Variants in ADAMTS13 observed in about 807,000 individuals in gnomAD.
The protein encoded by ADAMTS13 is ADAM metallopeptidase with thrombospondin type 1 motif 13.
Under a neutral mutation model 155.1 loss-of-function variants are expected in ADAMTS13, and 110 were observed. That is an observed-to-expected ratio of 0.71 (90% CI 0.61 to 0.83). The LOEUF (loss-of-function observed/expected upper bound fraction) is 0.83. Among genes scored for constraint, ADAMTS13 ranks in the 40% least tolerant of loss-of-function variants. The pLI, the probability that ADAMTS13 is intolerant of heterozygous loss-of-function variation, is 0.00. For missense variants in ADAMTS13, 1,707 were observed against 1,891.7 expected (o/e 0.90, Z 1.81); for synonymous variants, 758 against 756.4 (o/e 1.00, Z -0.03).
chr9:133,448,533 A>C (rs1277359491), intron 21 of ADAMTS13, 66 bp from the exon 22 acceptor site: 15 of 1,599,062 alleles, frequency 9.4e-6, no homozygotes, highest in Non-Finnish European at 1.2e-5. Context: ...GTGTCCAGTG[A>C]GCCTGGGCTG....
chr9:133,421,145 A>T (rs945764042), upstream of ADAMTS13, among the ~76,000 whole-genome samples: 7 of 152,240 alleles, frequency 4.6e-5, no homozygotes, highest in African/African-American at 1.7e-4. Context: ...GGGTGCCTGT[A>T]ATCCCAGCCA....
In ADAMTS13 at chr9:133,440,717, C is replaced by T. The variant is rs782000121; in HGVS notation, c.1968+192C>T. Among the ~76,000 whole-genome samples the T allele has an allele frequency of 1.1e-4, 16 of 152,144 alleles. No homozygotes were observed. Among genetic ancestry groups the T allele is most frequent in the Non-Finnish European group, 1.9e-4 (13 of 68,022 alleles). On this transcript the variant is annotated intron_variant, in intron 16 of 28. Coordinates refer to ENST00000355699, the MANE Select transcript of ADAMTS13 (RefSeq NM_139027.6). The surrounding 1 kb of genome is among the most constrained non-coding windows in gnomAD (Gnocchi z 4.3). Reference sequence around the variant, plus strand: ...TAGCTCCTCCAGGGGCTTAGGGTCCCACAAATATCCAAATGTGCCTGTGCC... The same window carrying T: ...TAGCTCCTCCAGGGGCTTAGGGTCCTACAAATATCCAAATGTGCCTGTGCC...
Position 133,443,375 on chromosome 9 carries a change from G to A in ADAMTS13, c.2235-1G>A. On this transcript the variant is annotated splice_acceptor_variant, in intron 18 of 28. Coordinates refer to ENST00000355699, the MANE Select transcript of ADAMTS13 (RefSeq NM_139027.6). LOFTEE classifies it high-confidence loss of function. ...TCCCGACGCTCTGTCTCCTTCCTCA[G>A]CTGGGCGGTGGGAGACTTCGGCCCA... 2 of 1,595,180 alleles carry A rather than the reference G, an allele frequency of 1.3e-6. No homozygotes were observed. Among genetic ancestry groups the A allele is most frequent in the African/African-American group, 1.3e-5 (1 of 74,950 alleles).
rs1842641684 is a variant in ADAMTS13 at position 133,454,764 on chromosome 9, C to T, written c.3249+145C>T. 3.7e-6 allele frequency: 4 copies of T among 1,072,216 alleles called. No individual in the cohort carries two copies. In the South Asian group the frequency reaches 4.5e-5, roughly 12 times the overall value. 66.4% of individuals were successfully genotyped at this position (1,072,216 alleles called of 1,614,324 possible). A position where few individuals can be genotyped will look rare whatever the true frequency, so the allele number is the denominator to read the frequency against. On this transcript the variant is annotated intron_variant, in intron 24 of 28. Coordinates refer to ENST00000355699, the MANE Select transcript of ADAMTS13 (RefSeq NM_139027.6). The stretch of plus-strand genomic sequence containing the variant: ...AGCTGCGCCCGTTGGTGAGGGGGCA[C>T]CTAGAGGCAGAGAGACAGAGGGCCT...
intron 8 of ADAMTS13, among the ~76,000 whole-genome samples, chr9:133,431,730 C>T (rs587697561): frequency 8.5e-4 from 130 of 152,310 alleles, no homozygotes; most frequent in African/African-American, 3.0e-3. Flanking sequence ...TCTTGGCTCA[C>T]TGCAAGCTCT....
upstream of ADAMTS13, chr9:133,422,228 A>G (rs934675939): frequency 8.5e-5 from 52 of 608,664 alleles, no homozygotes; most frequent in Middle Eastern, 4.3e-4. Flanking sequence ...CTGAACTGCA[A>G]CCATCTTAGA....
chr9:133,417,530 GGTCTTTTGGGGCTACCCAA>G, upstream of ADAMTS13: 2 of 1,350,662 alleles, frequency 1.5e-6, no homozygotes, highest in South Asian at 2.4e-5. Context: ...TGCCTTTACA[GGTCTTTTGGGGCTACCCAA>G]GTCTTTCCCT....
intron 6 of ADAMTS13, 50 bp from the exon 7 acceptor site, chr9:133,428,584 G>A: frequency 3.2e-5 from 1 of 31,298 alleles, no homozygotes; most frequent in Non-Finnish European, 4.7e-5. Context: ...CCCCACCCCC[G>A]CCCCCGCCCC....
In ADAMTS13 at chr9:133,445,128, G is replaced by A; in HGVS notation, c.2610+76G>A. On this transcript the variant is annotated intron_variant, in intron 20 of 28. Transcript: ENST00000355699. The surrounding 1 kb of genome is among the most constrained non-coding windows in gnomAD (Gnocchi z 5.0). ...GCTGGGAGAACGAGGAGCACCCATT[G>A]CCACCGTCCTCCAGGCCAGAGCAAG... The A allele has an allele frequency of 1.3e-6, 2 of 1,494,178 alleles. No individual in the cohort carries two copies. Among genetic ancestry groups the A allele is most frequent in the Non-Finnish European group, 1.8e-6 (2 of 1,101,572 alleles). The allele number at this position is 1,494,178 out of a possible 1,614,324, so 92.6% of individuals were successfully genotyped here. A position where few individuals can be genotyped will look rare whatever the true frequency, so the allele number is the denominator to read the frequency against.
upstream of ADAMTS13, chr9:133,422,317 A>G: frequency 2.1e-6 from 2 of 939,542 alleles, no homozygotes; most frequent in Admixed American, 3.8e-5. Context: ...GAAGCTTCCA[A>G]GAGTAAACAC....
chr9:133,458,445 A>G (rs1294128588), intron 28 of ADAMTS13, among the ~76,000 whole-genome samples: 2 of 147,846 alleles, frequency 1.4e-5, no homozygotes, highest in Non-Finnish European at 3.0e-5. Context: ...AATCCCAGCT[A>G]CTTGGGAGGC....
chr9:133,442,365 C>G, intron 16 of ADAMTS13, 34 bp from the exon 17 acceptor site: 1 of 1,613,696 alleles, frequency 6.2e-7, no homozygotes, highest in Non-Finnish European at 8.5e-7. Flanking sequence ...CTCAGGGAAC[C>G]CACTGGACAA....
Position 133,424,187 on chromosome 9 carries a change from TTGGGG to T in ADAMTS13, c.173-128_173-124del. On this transcript the variant is annotated intron_variant, in intron 2 of 28. Coordinates refer to ENST00000355699, the MANE Select transcript of ADAMTS13 (RefSeq NM_139027.6). The surrounding 1 kb of genome is among the most constrained non-coding windows in gnomAD (Gnocchi z 4.3). ...CCTAGTCACTAATGGGGTCTGGCTC[TTGGGG>T]TGGGGGTGACACGCAATGTCTTGAC... The T allele has an allele frequency of 7.1e-7, 1 of 1,417,026 alleles. No individual in the cohort carries two copies. Among genetic ancestry groups the T allele is most frequent in the Admixed American group, 1.7e-5 (1 of 59,454 alleles). 87.8% of individuals were successfully genotyped at this position (1,417,026 alleles called of 1,614,324 possible). A position where few individuals can be genotyped will look rare whatever the true frequency, so the allele number is the denominator to read the frequency against.
In ADAMTS13 at chr9:133,456,402, A is replaced by T; in HGVS notation, c.3548-141A>T. On this transcript the variant is annotated intron_variant, in intron 26 of 28. Transcript: ENST00000355699. This position sits in a 1 kb window ranked among gnomAD's most constrained non-coding sequence, Gnocchi z 4.4. ...AGGAAACTGAGGCTAGGAGAGATTAAGTGATGTGCCCAGTTACTTAGAGTC... is the reference window on the plus strand; with the variant it reads ...AGGAAACTGAGGCTAGGAGAGATTATGTGATGTGCCCAGTTACTTAGAGTC... 7.3e-7 allele frequency: 1 copy of T among 1,373,522 alleles called. No homozygotes were observed. The highest frequency in any genetic ancestry group is 1.3e-5 in the South Asian group (1 of 78,410). The allele number at this position is 1,373,522 out of a possible 1,614,324, so 85.1% of individuals were successfully genotyped here.
chr9:133,425,957 C>T lies in ADAMTS13; in HGVS notation c.434C>T (p.Ala145Val). 6.2e-7 allele frequency: 1 copy of T among 1,613,754 alleles called. No homozygotes were observed. The change falls in exon 5 of 29, where the codon GCC becomes GTC. Residue 145 changes from alanine to valine, a missense_variant. Ala to Val is a moderately conservative substitution (Grantham distance 64). This residue lies in a region of ADAMTS13 where 733 missense variants were observed against 749.6 expected (regional missense o/e 0.98). Coordinates refer to ENST00000355699, the MANE Select transcript of ADAMTS13 (RefSeq NM_139027.6). The surrounding 1 kb of genome is among the most constrained non-coding windows in gnomAD (Gnocchi z 4.6). ...CCGCAGGGTGCTCCAAATATCACAG[C>T]CAACCTCACCTCGTCCCTGCTGAGC... is the stretch of plus-strand genomic sequence containing the variant. Reference protein sequence around the residue: ...TEPEGAPNITANLTSSLLSVC... With the variant: ...TEPEGAPNITVNLTSSLLSVC...
chr9:133,417,811 C>A (rs372737242), upstream of ADAMTS13: 1 of 1,605,814 alleles, frequency 6.2e-7, no homozygotes, highest in East Asian at 2.2e-5. Flanking sequence ...CTGCTCGGGG[C>A]GCGCTTGGAG....
intron 23 of ADAMTS13, among the ~76,000 whole-genome samples, chr9:133,452,174 G>A (rs888503087): frequency 1.3e-5 from 2 of 150,956 alleles, no homozygotes; most frequent in Non-Finnish European, 2.9e-5. Context: ...GTGCAGTGGC[G>A]CGATCTCAGC....
At chr9:133,421,231 A>C (rs1588147772), upstream of ADAMTS13, among the ~76,000 whole-genome samples, 1 of 152,212 alleles carries the variant, frequency 6.6e-6, no homozygotes, top group Non-Finnish European at 1.5e-5. Context: ...GTGCCACTGC[A>C]CTCCAGCCTG....
chr9:133,451,894 C>CAAAA (rs34716768), intron 23 of ADAMTS13, among the ~76,000 whole-genome samples: 33 of 79,448 alleles, frequency 4.2e-4, no homozygotes, highest in Middle Eastern at 9.3e-3. Flanking sequence ...GACCCTGTCT[C>CAAAA]AAAAAAAAAA....
Sources: gnomAD v4.1 joint callset for allele counts (sites outside exome capture counted in the v4.1 genomes callset) on GRCh38, gnomAD v4.1.1 for gene constraint, gnomAD v4.1.1 regional missense constraint, Gnocchi (gnomAD v3.1) non-coding constraint, MANE v1.5 for transcripts, NCBI Gene and HGNC (gene_info 2026-07-23, HGNC 2026-07-21) for gene names.